IL7: variants seen among roughly 807,000 people sequenced by gnomAD.
IL7 encodes the protein interleukin-7.
Under a neutral mutation model 21.6 loss-of-function variants are expected in IL7, and 3 were observed. The ratio of observed to expected loss-of-function variants is 0.14; its 90% confidence interval spans 0.06 to 0.36. The LOEUF is 0.36. Among genes scored for constraint, IL7 ranks in the 10% least tolerant of loss-of-function variants. The pLI, the probability that IL7 is intolerant of heterozygous loss-of-function variation, is 1.00. For synonymous variants in IL7, 62 were observed against 68.1 expected, an observed-to-expected ratio of 0.91 and a Z score of 0.44; for missense variants, 175 against 200.2, an observed-to-expected ratio of 0.87 and a Z score of 0.76.
intron 2 of IL7, among the ~76,000 whole-genome samples, chr8:78,795,190 A>G (rs1001045567): frequency 1.3e-5 from 2 of 152,132 alleles, no homozygotes; most frequent in African/African-American, 4.8e-5. Context: ...CAAGCACTTC[A>G]TAACTATTAG....
intron 2 of IL7, chr8:78,761,337 A>G: frequency 6.2e-7 from 1 of 1,611,750 alleles, no homozygotes; most frequent in Non-Finnish European, 8.5e-7. Flanking sequence ...CACATATTTA[A>G]GGCACAGAAA....
intron 3 of IL7, among the ~76,000 whole-genome samples, chr8:78,696,587 T>C (rs1810422836): frequency 6.6e-6 from 1 of 152,088 alleles, no homozygotes. Flanking sequence ...GAAAGTAAAA[T>C]AAAATTAATA....
At chr8:78,684,216 A>G (rs1260523033) in intron 4 of IL7, among the ~76,000 whole-genome samples, 1 of 152,228 alleles carries the variant, frequency 6.6e-6, no homozygotes, top group Admixed American at 6.5e-5. Flanking sequence ...TCATACTGCT[A>G]TGAAGAAATA....
At position 78,682,664 on chromosome 8, in the gene IL7, C is replaced by T. The variant is rs1251553068; in HGVS notation, n.273+3225G>A. 2.0e-5 allele frequency among the ~76,000 whole-genome samples: 3 copies of T among 152,092 alleles called. No individual in the cohort carries two copies. The East Asian group carries it at 5.8e-4, about 29-fold the overall frequency. On this transcript the variant is annotated intron_variant and non_coding_transcript_variant, in intron 4 of 4. Coordinates refer to the IL7 transcript ENST00000523959. ...ACACAGCCAAACCATATCATTCTGT[C>T]CCTGGCCACTCCCAAATTTCATGCC...
chr8:78,795,170 G>A (rs1430725497), intron 2 of IL7, among the ~76,000 whole-genome samples: 3 of 152,074 alleles, frequency 2.0e-5, no homozygotes, highest in African/African-American at 7.2e-5. Flanking sequence ...GGAAAGCACT[G>A]AGAACATAAC....
At chr8:78,800,251 T>G (rs1034583161) in intron 1 of IL7, among the ~76,000 whole-genome samples, 2 of 152,214 alleles carry the variant, frequency 1.3e-5, no homozygotes, top group African/African-American at 4.8e-5. Context: ...GACTTAACTC[T>G]TATGGCTGAG....
rs1289873585 is a variant in IL7, at chr8:78,698,356, T to C, written n.215-12409A>G. On this transcript the variant is annotated intron_variant and non_coding_transcript_variant, in intron 3 of 4. Coordinates refer to the IL7 transcript ENST00000523959. Reference sequence around the variant, plus strand: ...AAGCATTGTTTCCTTTGTTAGATGCTCTGTTTTATGTAACCTTTTTTAGAG... The same window carrying C: ...AAGCATTGTTTCCTTTGTTAGATGCCCTGTTTTATGTAACCTTTTTTAGAG... 2.2e-6 allele frequency: 3 copies of C among 1,364,526 alleles called. No homozygotes were observed. The African/African-American group carries it at 4.4e-5, about 20-fold the overall frequency. The allele number at this position is 1,364,526 out of a possible 1,614,324, so 84.5% of individuals were successfully genotyped here.
At chr8:78,714,937 T>C (rs1454116499), downstream of IL7, among the ~76,000 whole-genome samples, 1 of 152,198 alleles carries the variant, frequency 6.6e-6, no homozygotes, top group Non-Finnish European at 1.5e-5. Flanking sequence ...TTTTTAAAAA[T>C]GTATCTTTCA....
chr8:78,759,119 C>T (rs1812455882), intron 2 of IL7, among the ~76,000 whole-genome samples: 1 of 134,276 alleles, frequency 7.4e-6, no homozygotes, highest in South Asian at 2.6e-4. Context: ...TTCAAAAATT[C>T]TTCTGCTTGA....
At chr8:78,766,105 A>G (rs1252140888) in intron 2 of IL7, among the ~76,000 whole-genome samples, 1 of 152,162 alleles carries the variant, frequency 6.6e-6, no homozygotes, top group Non-Finnish European at 1.5e-5. Flanking sequence ...GAGTGCAACT[A>G]TGTAACATTC....
chr8:78,768,572 T>C (rs1812838846), intron 2 of IL7, among the ~76,000 whole-genome samples: 2 of 151,244 alleles, frequency 1.3e-5, no homozygotes, highest in Non-Finnish European at 2.9e-5. Flanking sequence ...ATGTCTTCTT[T>C]TGAGAAGTGT....
intron 3 of IL7, among the ~76,000 whole-genome samples, chr8:78,692,577 A>G (rs1295355862): frequency 6.6e-6 from 1 of 151,738 alleles, no homozygotes; most frequent in Non-Finnish European, 1.5e-5. Flanking sequence ...TTAGGAGGGG[A>G]GCAGTAAGGA....
intron 2 of IL7, among the ~76,000 whole-genome samples, chr8:78,754,588 C>A (rs1172834016): frequency 6.6e-6 from 1 of 152,154 alleles, no homozygotes; most frequent in Non-Finnish European, 1.5e-5. Context: ...CCAAGACAAT[C>A]CTAAGCAAAA....
intron 2 of IL7, among the ~76,000 whole-genome samples, chr8:78,778,073 A>G (rs977973400): frequency 6.6e-6 from 1 of 152,022 alleles, no homozygotes; most frequent in Non-Finnish European, 1.5e-5. Flanking sequence ...AACATTTTCA[A>G]CTGTAATTAT....
intron 2 of IL7, among the ~76,000 whole-genome samples, chr8:78,764,345 C>CA (rs1297837246): frequency 1.3e-5 from 2 of 151,632 alleles, no homozygotes; most frequent in African/African-American, 4.8e-5. Context: ...TGCAGTAAGA[C>CA]AAAAAAGGAA....
intron 3 of IL7, among the ~76,000 whole-genome samples, chr8:78,704,004 C>A (rs185897335): frequency 1.1e-4 from 16 of 152,236 alleles, no homozygotes; most frequent in Admixed American, 3.9e-4. Context: ...ACAGCATTTG[C>A]TGGTCTGAAA....
chr8:78,753,303 T>C lies in IL7; in HGVS notation c.148-13221A>G, dbSNP rs148137688. 3.4e-3 allele frequency among the ~76,000 whole-genome samples: 518 copies of C among 152,358 alleles called. 2 individuals carry two copies. The highest frequency in any genetic ancestry group is 8.1e-3 in the Admixed American group (124 of 15,306). ...ACTGGTGTGAGATGATATCTCTTTGTGGTTTTGATTTGCATTTCTCTAATG... is the reference window on the plus strand; with the variant it reads ...ACTGGTGTGAGATGATATCTCTTTGCGGTTTTGATTTGCATTTCTCTAATG... On this transcript the variant is annotated intron_variant, in intron 2 of 5. Transcript: ENST00000263851.
At chr8:78,733,923 G>GA in intron 5 of IL7, 91 bp from the exon 6 acceptor site, 3 of 857,486 alleles carry the variant, frequency 3.5e-6, no homozygotes, top group Non-Finnish European at 4.8e-6. Context: ...ACTTTATACT[G>GA]AAAAACTGGT....
intron 2 of IL7, among the ~76,000 whole-genome samples, chr8:78,777,510 T>C (rs974602679): frequency 6.6e-6 from 1 of 152,084 alleles, no homozygotes; most frequent in Non-Finnish European, 1.5e-5. Flanking sequence ...CTCTTCCTTT[T>C]GGGAAACTAC....
Sources: gnomAD v4.1 joint callset for allele counts (sites outside exome capture counted in the v4.1 genomes callset) on GRCh38, gnomAD v4.1.1 for gene constraint, MANE v1.5 for transcripts, NCBI Gene and HGNC (gene_info 2026-07-23, HGNC 2026-07-21) for gene names.